RBM33: variants seen among roughly 807,000 people sequenced by gnomAD.
The protein encoded by RBM33 is RNA binding motif protein 33.
RBM33 carries 28 observed loss-of-function variants against 132.6 expected under a neutral mutation model. That is an observed-to-expected ratio of 0.21 (90% confidence interval 0.16 to 0.29). The LOEUF (loss-of-function observed/expected upper bound fraction) is 0.29, where lower values mean the gene tolerates loss of function less well. Ranked by LOEUF, RBM33 falls within the 10% of genes least tolerant of loss-of-function variation. The pLI is 1.00. For synonymous variants in RBM33, 634 were observed against 593.0 expected (o/e 1.07, Z -1.01); for missense variants, 1,291 against 1,518.5 (o/e 0.85, Z 2.49).
chr7:155,774,891 T>C lies in RBM33; in HGVS notation c.3465-102T>C. On this transcript the variant is annotated intron_variant, in intron 17 of 17. Transcript: ENST00000401878. The surrounding 1 kb of genome is among the most constrained non-coding windows in gnomAD (Gnocchi z 4.2). ...TCTGCCTTTTTATATGATGCGTTTT[T>C]ATTAAACAGGACCCACCGGGCTCTT... The C allele has an allele frequency of 1.9e-6, 2 of 1,053,992 alleles. No homozygotes were observed. Among genetic ancestry groups the C allele is most frequent in the East Asian group, 2.4e-5 (1 of 41,882 alleles). 65.3% of individuals were successfully genotyped at this position (1,053,992 alleles called of 1,614,324 possible).
rs569733552 is a variant in RBM33, at chr7:155,766,803, C to T, written c.3375+148C>T. Reference sequence around the variant, plus strand: ...TAAGACAAATAACCTGTTGTGCATACTTAGTATCAGAACATTTGCCTCAAA... The same window carrying T: ...TAAGACAAATAACCTGTTGTGCATATTTAGTATCAGAACATTTGCCTCAAA... On this transcript the variant is annotated intron_variant, in intron 16 of 17. Coordinates refer to ENST00000401878, the MANE Select transcript of RBM33 (RefSeq NM_053043.3). 198 of 743,928 alleles carry T rather than the reference C, an allele frequency of 2.7e-4. No homozygotes were observed. In the African/African-American group the frequency reaches 3.4e-3, roughly 13 times the overall value. 46.1% of individuals were successfully genotyped at this position (743,928 alleles called of 1,614,324 possible).
At chr7:155,724,940 A>C (rs6972521) in intron 9 of RBM33, among the ~76,000 whole-genome samples, 41,914 of 150,034 alleles carry the variant, frequency 0.28, 6,847 homozygotes, top group African/African-American at 0.46. Flanking sequence ...GGGTTATTTC[A>C]AGTCTTCGGA....
chr7:155,661,739 C>T (rs1256404943), intron 1 of RBM33, among the ~76,000 whole-genome samples: 1 of 152,082 alleles, frequency 6.6e-6, no homozygotes, highest in Non-Finnish European at 1.5e-5. Flanking sequence ...TGACCTGACA[C>T]TGTCATCATA....
In RBM33 at chr7:155,778,532, G is replaced by C. The variant is rs772654009; in HGVS notation, c.*3491G>C. 5.3e-5 allele frequency: 8 copies of C among 152,252 alleles called. No homozygotes were observed. Among genetic ancestry groups the C allele is most frequent in the Admixed American group, 6.5e-5 (1 of 15,290 alleles). The allele number at this position is 152,252 out of a possible 1,614,324, so 9.4% of individuals were successfully genotyped here. On this transcript the variant is annotated 3_prime_UTR_variant, in exon 18 of 18. Transcript: ENST00000401878. This position sits in a 1 kb window ranked among gnomAD's most constrained non-coding sequence, Gnocchi z 4.0. ...CTTATCAGGGGAGGTCATCCAGTCCGGTCGGTGGAGTTGAGAGCCCTTGGG... is the reference window on the plus strand; with the variant it reads ...CTTATCAGGGGAGGTCATCCAGTCCCGTCGGTGGAGTTGAGAGCCCTTGGG...
chr7:155,721,283 C>T (rs915080563), intron 9 of RBM33, among the ~76,000 whole-genome samples: 4 of 151,948 alleles, frequency 2.6e-5, no homozygotes, highest in African/African-American at 9.7e-5. Flanking sequence ...AGCCACAGGC[C>T]CTGTGCAGAG....
intron 1 of RBM33, among the ~76,000 whole-genome samples, chr7:155,660,869 G>A (rs538093002): frequency 2.7e-4 from 41 of 151,824 alleles, no homozygotes; most frequent in Non-Finnish European, 4.1e-4. Context: ...CCCATTACAC[G>A]TATATTGTTG....
chr7:155,684,794 T>A (rs1799426868), intron 5 of RBM33: 3 of 897,604 alleles, frequency 3.3e-6, no homozygotes, highest in Non-Finnish European at 4.9e-6. Context: ...CTGGGCCTGG[T>A]GCTTTGTGCT....
intron 1 of RBM33, 128 bp from the exon 2 acceptor site, chr7:155,665,047 C>A: frequency 1.6e-6 from 1 of 639,108 alleles, no homozygotes. Context: ...ATGATAGTTA[C>A]ATATGAAACT....
intron 14 of RBM33, among the ~76,000 whole-genome samples, chr7:155,752,293 C>T (rs1801709389): frequency 6.6e-6 from 1 of 152,154 alleles, no homozygotes; most frequent in African/African-American, 2.4e-5. Context: ...TCTGGGCCCG[C>T]TCAGCACATT....
At chr7:155,771,062 C>T (rs1802410791) in intron 16 of RBM33, among the ~76,000 whole-genome samples, 2 of 152,122 alleles carry the variant, frequency 1.3e-5, no homozygotes, top group Non-Finnish European at 2.9e-5. Context: ...GCCAGGCTTT[C>T]CCCTCTCCCT....
chr7:155,759,899 A>G (rs1801979124), intron 14 of RBM33, among the ~76,000 whole-genome samples: 1 of 152,190 alleles, frequency 6.6e-6, no homozygotes. Context: ...TGTTCTGTGA[A>G]CATCGTTCCC....
At chr7:155,677,869 G>A (rs1483700762) in intron 3 of RBM33, among the ~76,000 whole-genome samples, 1 of 152,180 alleles carries the variant, frequency 6.6e-6, no homozygotes, top group African/African-American at 2.4e-5. Context: ...CGTGAAGGGA[G>A]TAGTAATTTA....
intron 5 of RBM33, chr7:155,684,817 C>G (rs1799427639): frequency 8.5e-7 from 1 of 1,173,998 alleles, no homozygotes. Flanking sequence ...GTCAGCTAAT[C>G]ACCATAGTAA....
chr7:155,687,691 A>G (rs1190333258), intron 5 of RBM33, among the ~76,000 whole-genome samples: 1 of 152,222 alleles, frequency 6.6e-6, no homozygotes, highest in Non-Finnish European at 1.5e-5. Flanking sequence ...AGCTTTCTAC[A>G]TATGGCTAGC....
chr7:155,739,433 A>G, intron 11 of RBM33: 1 of 416,012 alleles, frequency 2.4e-6, no homozygotes. Context: ...TCATAGTGCT[A>G]CAGGGAACAT....
At chr7:155,702,796 C>G (rs1159080628) in intron 6 of RBM33, among the ~76,000 whole-genome samples, 2 of 152,172 alleles carry the variant, frequency 1.3e-5, no homozygotes, top group Non-Finnish European at 2.9e-5. Context: ...TTTGTTGGGT[C>G]TTGTTATCTG....
At position 155,680,960 on chromosome 7, in the gene RBM33, A is replaced by G. The variant is rs1056487629; in HGVS notation, c.567+52A>G. On this transcript the variant is annotated intron_variant, in intron 5 of 17. Transcript: ENST00000401878. ...AAAGATAACCTGGCTTCCCATGCATAGGCTTCTAGACTGATTTGAAATCTA... is the reference window on the plus strand; with the variant it reads ...AAAGATAACCTGGCTTCCCATGCATGGGCTTCTAGACTGATTTGAAATCTA... 23 of 1,446,148 alleles carry G rather than the reference A, an allele frequency of 1.6e-5. No individual in the cohort carries two copies. The African/African-American group carries it at 3.1e-4, about 19-fold the overall frequency. 89.6% of individuals were successfully genotyped at this position (1,446,148 alleles called of 1,614,324 possible).
chr7:155,688,576 C>T (rs1453915755), intron 5 of RBM33, among the ~76,000 whole-genome samples: 2 of 152,128 alleles, frequency 1.3e-5, no homozygotes, highest in Admixed American at 6.5e-5. Flanking sequence ...GGAATGCTTC[C>T]AGTTTTTGCC....
intron 2 of RBM33, among the ~76,000 whole-genome samples, chr7:155,669,145 T>C (rs576112999): frequency 2.6e-5 from 4 of 152,340 alleles, no homozygotes; most frequent in African/African-American, 4.8e-5. Flanking sequence ...CTCTGTGTGC[T>C]GCATGACACA....
Sources: gnomAD v4.1 joint callset for allele counts (sites outside exome capture counted in the v4.1 genomes callset) on GRCh38, gnomAD v4.1.1 for gene constraint, Gnocchi (gnomAD v3.1) non-coding constraint, MANE v1.5 for transcripts, NCBI Gene and HGNC (gene_info 2026-07-23, HGNC 2026-07-21) for gene names.